Variants in SLC10A7 observed in about 807,000 individuals in gnomAD.
The protein encoded by SLC10A7 is sodium/bile acid cotransporter 7.
Under a neutral mutation model 43.2 loss-of-function variants are expected in SLC10A7, and 29 were observed. The observed-to-expected ratio is 0.67, with a 90% CI of 0.50 to 0.92. The LOEUF (loss-of-function observed/expected upper bound fraction) is 0.92. Ranked by LOEUF, SLC10A7 falls within the 40% of genes least tolerant of loss-of-function variation. The pLI, the probability that SLC10A7 is intolerant of heterozygous loss-of-function variation, is 0.00. For missense variants in SLC10A7, 295 were observed against 403.2 expected, an observed-to-expected ratio of 0.73 and a Z score of 2.30; for synonymous variants, 152 against 144.8, an observed-to-expected ratio of 1.05 and a Z score of -0.35.
chr4:146,272,068 CT>C (rs911378960), intron 10 of SLC10A7, among the ~76,000 whole-genome samples: 1 of 152,138 alleles, frequency 6.6e-6, no homozygotes, highest in Non-Finnish European at 1.5e-5. Context: ...AGGGCAAGAA[CT>C]TTTTTGGTGT....
At chr4:146,300,814 G>C (rs1731110396) in intron 7 of SLC10A7, among the ~76,000 whole-genome samples, 2 of 152,006 alleles carry the variant, frequency 1.3e-5, no homozygotes. Context: ...GTGATGACTA[G>C]GAAAGAAGTA....
At chr4:146,360,443 C>CA (rs1735961815) in intron 5 of SLC10A7, among the ~76,000 whole-genome samples, 1 of 151,904 alleles carries the variant, frequency 6.6e-6, no homozygotes, top group East Asian at 1.9e-4. Flanking sequence ...TCTTCTTCTT[C>CA]TTTTTTTTAA....
intron 5 of SLC10A7, among the ~76,000 whole-genome samples, chr4:146,369,211 A>G (rs11939345): frequency 0.23 from 35,072 of 152,016 alleles, 4,428 homozygotes; most frequent in African/African-American, 0.33. Flanking sequence ...CCACTTAACC[A>G]TCTGTGTGAC....
At chr4:146,503,420 C>A (rs1031336842) in intron 4 of SLC10A7, among the ~76,000 whole-genome samples, 2 of 152,226 alleles carry the variant, frequency 1.3e-5, no homozygotes, top group African/African-American at 4.8e-5. Flanking sequence ...AACCTAATTT[C>A]TTCTTTTTAT....
chr4:146,261,655 C>T (rs1301600867), intron 10 of SLC10A7, among the ~76,000 whole-genome samples: 1 of 152,148 alleles, frequency 6.6e-6, no homozygotes, highest in East Asian at 1.9e-4. Flanking sequence ...CAAAATTTGT[C>T]AAATTAAATA....
At chr4:146,496,235 A>G (rs561649490) in intron 4 of SLC10A7, among the ~76,000 whole-genome samples, 1 of 152,320 alleles carries the variant, frequency 6.6e-6, no homozygotes, top group East Asian at 1.9e-4. Flanking sequence ...TGAATACTGT[A>G]ATATCACATT....
At chr4:146,452,545 A>G (rs1731684626) in intron 4 of SLC10A7, among the ~76,000 whole-genome samples, 1 of 152,114 alleles carries the variant, frequency 6.6e-6, no homozygotes, top group African/African-American at 2.4e-5. Context: ...TGCTTCTTTC[A>G]AAGCCAATTA....
chr4:146,285,965 A>T (rs1376699968), intron 9 of SLC10A7, among the ~76,000 whole-genome samples: 36 of 126,642 alleles, frequency 2.8e-4, no homozygotes, highest in Admixed American at 5.5e-4. Context: ...AGAAGGACTG[A>T]GTTTGGAGTG....
At chr4:146,275,063 A>G (rs900470375) in intron 10 of SLC10A7, among the ~76,000 whole-genome samples, 8 of 152,178 alleles carry the variant, frequency 5.3e-5, no homozygotes, top group African/African-American at 9.7e-5. Flanking sequence ...GGCAATAATG[A>G]GTGGCTTTCA....
chr4:146,409,641 C>G (rs143961871), intron 5 of SLC10A7, among the ~76,000 whole-genome samples: 1 of 152,024 alleles, frequency 6.6e-6, no homozygotes, highest in Non-Finnish European at 1.5e-5. Flanking sequence ...ATTTTAAAAT[C>G]GGGGAATAGC....
At chr4:146,307,552 G>C (rs1419214372) in intron 6 of SLC10A7, among the ~76,000 whole-genome samples, 3 of 152,012 alleles carry the variant, frequency 2.0e-5, no homozygotes, top group African/African-American at 7.2e-5. Context: ...TTAACCCTAA[G>C]GATATTCCTG....
intron 6 of SLC10A7, among the ~76,000 whole-genome samples, chr4:146,322,732 T>C (rs1349480505): frequency 1.3e-5 from 2 of 152,202 alleles, no homozygotes; most frequent in East Asian, 3.9e-4. Flanking sequence ...TTTGGGTATA[T>C]ACCCAGTAAT....
rs966176373 is a variant in SLC10A7, at chr4:146,346,954, T to G, written c.436-20958A>C. On this transcript the variant is annotated intron_variant, in intron 5 of 11. Transcript: ENST00000335472. Reference sequence around the variant, plus strand: ...AAAGATAAAGGTGGCCTGGTCTCTATCCTAAAAGATCTTACGGTCTAGTTG... The same window carrying G: ...AAAGATAAAGGTGGCCTGGTCTCTAGCCTAAAAGATCTTACGGTCTAGTTG... Among the ~76,000 whole-genome samples, 38 of 152,122 alleles carry G rather than the reference T, an allele frequency of 2.5e-4. 1 individual carries two copies. The highest frequency in any genetic ancestry group is 1.2e-3 in the Admixed American group (19 of 15,260).
At chr4:146,423,357 A>G (rs1294483498) in intron 5 of SLC10A7, among the ~76,000 whole-genome samples, 1 of 152,160 alleles carries the variant, frequency 6.6e-6, no homozygotes, top group Non-Finnish European at 1.5e-5. Context: ...TAGTCCCTGC[A>G]GAGTATAACT....
chr4:146,256,783 C>T, intron 11 of SLC10A7: 1 of 1,423,480 alleles, frequency 7.0e-7, no homozygotes, highest in African/African-American at 1.4e-5. Flanking sequence ...CCTTGGGTCT[C>T]AATCAGTACT....
intron 6 of SLC10A7, among the ~76,000 whole-genome samples, chr4:146,311,943 G>A (rs1031907717): frequency 6.6e-6 from 1 of 152,080 alleles, no homozygotes; most frequent in South Asian, 2.1e-4. Flanking sequence ...TTCTCTCACA[G>A]GGGTACATGC....
intron 5 of SLC10A7, among the ~76,000 whole-genome samples, chr4:146,348,750 T>C (rs1283970883): frequency 6.6e-6 from 1 of 152,214 alleles, no homozygotes; most frequent in African/African-American, 2.4e-5. Context: ...GAATTTTTAA[T>C]GCCTGATTTT....
intron 5 of SLC10A7, among the ~76,000 whole-genome samples, chr4:146,431,490 T>C (rs1022047883): frequency 6.6e-6 from 1 of 152,104 alleles, no homozygotes; most frequent in South Asian, 2.1e-4. Context: ...TTACCTGACA[T>C]TGTGATAGGA....
chr4:146,498,474 A>G (rs777898783), intron 4 of SLC10A7, among the ~76,000 whole-genome samples: 11 of 152,148 alleles, frequency 7.2e-5, no homozygotes, highest in Non-Finnish European at 1.2e-4. Flanking sequence ...ACACACATAC[A>G]CACAGCCACA....
Sources: allele counts gnomAD v4.1 joint callset (sites outside exome capture counted in the v4.1 genomes callset), GRCh38; gene constraint gnomAD v4.1.1; transcripts MANE v1.5; gene names NCBI Gene and HGNC (gene_info 2026-07-23, HGNC 2026-07-21).